The following RNF220 variants were observed in gnomAD, a reference collection of about 807,000 sequenced individuals.
RNF220 encodes E3 ubiquitin-protein ligase RNF220.
In RNF220, 7 loss-of-function variants were observed where a neutral mutation model predicts 67.1. The observed-to-expected ratio is 0.10, with a 90% CI of 0.06 to 0.20. RNF220 has a LOEUF of 0.20. Among genes scored for constraint, RNF220 ranks in the 10% least tolerant of loss-of-function variants. The pLI, the probability that RNF220 is intolerant of heterozygous loss-of-function variation, is 1.00. For missense variants in RNF220, 565 were observed against 740.3 expected, an observed-to-expected ratio of 0.76 and a Z score of 2.75; for synonymous variants, 270 against 283.2, an observed-to-expected ratio of 0.95 and a Z score of 0.47.
intron 2 of RNF220, among the ~76,000 whole-genome samples, chr1:44,558,834 C>T (rs1484760244): frequency 4.6e-5 from 7 of 152,178 alleles, no homozygotes; most frequent in African/African-American, 1.7e-4. Flanking sequence ...CTGTTTTGGT[C>T]TCTTCTAGGT....
chr1:44,500,196 T>C (rs1657711711), intron 2 of RNF220, among the ~76,000 whole-genome samples: 1 of 152,224 alleles, frequency 6.6e-6, no homozygotes, highest in Admixed American at 6.5e-5. Flanking sequence ...ACCTACCCTC[T>C]CTGGCCTCCC....
At chr1:44,627,082 C>T (rs1249347701) in intron 5 of RNF220, 7 of 141,352 alleles carry the variant, frequency 5.0e-5, no homozygotes, top group African/African-American at 1.6e-4. Flanking sequence ...CGTGGTGGCT[C>T]ATGCCTGTAA....
chr1:44,489,439 G>C (rs1656651365), intron 2 of RNF220, among the ~76,000 whole-genome samples: 1 of 152,232 alleles, frequency 6.6e-6, no homozygotes, highest in Non-Finnish European at 1.5e-5. Flanking sequence ...ATGGCTTTCA[G>C]CTGGGAGCTC....
intron 2 of RNF220, among the ~76,000 whole-genome samples, chr1:44,416,321 G>C (rs10890300): frequency 0.32 from 48,399 of 152,126 alleles, 8,619 homozygotes; most frequent in Non-Finnish European, 0.4. Flanking sequence ...AGTAGTTCAC[G>C]TGTGCTTTAC....
chr1:44,528,993 A>G (rs965500922), intron 2 of RNF220, among the ~76,000 whole-genome samples: 1 of 152,238 alleles, frequency 6.6e-6, no homozygotes, highest in Non-Finnish European at 1.5e-5. Flanking sequence ...TACTATTGGT[A>G]AAAGCATACA....
At chr1:44,541,393 A>T (rs1661661113) in intron 2 of RNF220, among the ~76,000 whole-genome samples, 1 of 152,214 alleles carries the variant, frequency 6.6e-6, no homozygotes, top group Non-Finnish European at 1.5e-5. Context: ...GTGCCACTGC[A>T]CCCCAGTCTG....
intron 3 of RNF220, among the ~76,000 whole-genome samples, chr1:44,618,478 C>T (rs1643653405): frequency 1.3e-5 from 2 of 152,208 alleles, no homozygotes; most frequent in African/African-American, 4.8e-5. Context: ...AGAGGCTGTG[C>T]TAACACTCTC....
intron 2 of RNF220, among the ~76,000 whole-genome samples, chr1:44,585,653 A>G (rs762459044): frequency 3.3e-5 from 5 of 152,222 alleles, no homozygotes; most frequent in Non-Finnish European, 7.3e-5. Flanking sequence ...GCAAAACAGA[A>G]CAAAGCAGAG....
chr1:44,581,668 C>T (rs1327278895), intron 2 of RNF220, among the ~76,000 whole-genome samples: 2 of 152,064 alleles, frequency 1.3e-5, no homozygotes, highest in Non-Finnish European at 2.9e-5. Context: ...AGGGTGGATG[C>T]AAAGAGGAGG....
chr1:44,543,566 G>A (rs1413871452), intron 2 of RNF220, among the ~76,000 whole-genome samples: 1 of 151,854 alleles, frequency 6.6e-6, no homozygotes, highest in Non-Finnish European at 1.5e-5. Flanking sequence ...GGAGGGGGAA[G>A]TAGAGAGAGC....
intron 8 of RNF220, chr1:44,644,060 C>T (rs1207904150): frequency 1.3e-5 from 2 of 153,644 alleles, no homozygotes; most frequent in African/African-American, 2.4e-5. Context: ...CCTGTCCTCC[C>T]TCGTCTGTCC....
chr1:44,448,823 T>C (rs1652367719), intron 2 of RNF220, among the ~76,000 whole-genome samples: 1 of 152,262 alleles, frequency 6.6e-6, no homozygotes, highest in Non-Finnish European at 1.5e-5. Context: ...GTAAACGTTC[T>C]GTGTGTCCAA....
In RNF220 at chr1:44,645,288, C is replaced by T; in HGVS notation, c.1366+12C>T. ...ATGGGCCAGTGATGGTAAGTCCTGC[C>T]CCAGGTTAGGAGTAATGGGGGAGAG... On this transcript the variant is annotated intron_variant, in intron 11 of 14. Coordinates refer to ENST00000361799, the MANE Select transcript of RNF220 (RefSeq NM_018150.4). The surrounding 1 kb of genome is among the most constrained non-coding windows in gnomAD (Gnocchi z 5.0). The T allele has an allele frequency of 6.2e-7, 1 of 1,614,052 alleles. No individual in the cohort carries two copies. Among genetic ancestry groups the T allele is most frequent in the South Asian group, 1.1e-5 (1 of 91,084 alleles).
At chr1:44,642,948 CAG>C (rs1156764710) in intron 8 of RNF220, among the ~76,000 whole-genome samples, 1 of 152,166 alleles carries the variant, frequency 6.6e-6, no homozygotes, top group African/African-American at 2.4e-5. Context: ...CCCAAACTGT[CAG>C]AGGGTTTATG....
chr1:44,487,974 ATTT>A (rs113894560), intron 2 of RNF220, among the ~76,000 whole-genome samples: 1 of 145,884 alleles, frequency 6.9e-6, no homozygotes, highest in African/African-American at 2.5e-5. Context: ...TGGCACTGCG[ATTT>A]TTTTTTTTTT....
chr1:44,610,129 A>G (rs1332019701), intron 2 of RNF220, among the ~76,000 whole-genome samples: 1 of 152,138 alleles, frequency 6.6e-6, no homozygotes, highest in Non-Finnish European at 1.5e-5. Flanking sequence ...CGGGAGGCGG[A>G]ATGAGCGATC....
At chr1:44,459,401 G>T (rs906325163) in intron 2 of RNF220, among the ~76,000 whole-genome samples, 1 of 151,824 alleles carries the variant, frequency 6.6e-6, no homozygotes, top group African/African-American at 2.4e-5. Context: ...TCTTGCCAAT[G>T]TCTTCTACCC....
chr1:44,630,597 T>C (rs998653601), intron 5 of RNF220, among the ~76,000 whole-genome samples: 6 of 150,300 alleles, frequency 4.0e-5, no homozygotes, highest in Non-Finnish European at 7.4e-5. Flanking sequence ...ACAATCAAAA[T>C]ATACATGATC....
At chr1:44,438,908 A>T (rs1044635525) in intron 2 of RNF220, among the ~76,000 whole-genome samples, 5 of 152,216 alleles carry the variant, frequency 3.3e-5, no homozygotes, top group African/African-American at 1.2e-4. Context: ...TTTATTACAG[A>T]TACTACTGTA....
Sources: allele counts gnomAD v4.1 joint callset (sites outside exome capture counted in the v4.1 genomes callset), GRCh38; gene constraint gnomAD v4.1.1; non-coding constraint Gnocchi (gnomAD v3.1); transcripts MANE v1.5; gene names NCBI Gene and HGNC (gene_info 2026-07-23, HGNC 2026-07-21).